UBR2: variants seen among roughly 807,000 people sequenced by gnomAD.
UBR2 encodes the protein ubiquitin protein ligase E3 component n-recognin 2, also known as E3 ubiquitin-protein ligase UBR2.
Under a neutral mutation model 247.9 loss-of-function variants are expected in UBR2, and 92 were observed. That is an observed-to-expected ratio of 0.37 (90% CI 0.31 to 0.44). UBR2 has a LOEUF of 0.44. Ranked by LOEUF, UBR2 falls within the 20% of genes least tolerant of loss-of-function variation. The probability of loss-of-function intolerance (pLI) is 1.00; values close to 1 mark genes in which losing one functional copy is unlikely to be tolerated. For synonymous variants in UBR2, 672 were observed against 693.5 expected, an observed-to-expected ratio of 0.97 and a Z score of 0.49; for missense variants, 1,613 against 2,112.6, an observed-to-expected ratio of 0.76 and a Z score of 4.64.
At chr6:42,651,506 T>A (rs576842350) in intron 23 of UBR2, among the ~76,000 whole-genome samples, 2,231 of 152,136 alleles carry the variant, frequency 0.015, 44 homozygotes, top group African/African-American at 0.052. Flanking sequence ...TTTTATTTTT[T>A]ATTTTTTTTG....
At chr6:42,611,255 G>A (rs1057382908) in intron 7 of UBR2, among the ~76,000 whole-genome samples, 2 of 151,360 alleles carry the variant, frequency 1.3e-5, no homozygotes, top group African/African-American at 4.8e-5. Context: ...GAGATCAAGA[G>A]ATCGAGACCA....
chr6:42,673,446 C>T (rs1361304346), intron 36 of UBR2, among the ~76,000 whole-genome samples: 2 of 152,172 alleles, frequency 1.3e-5, no homozygotes, highest in African/African-American at 4.8e-5. Flanking sequence ...CTCAGCCTCT[C>T]GAGTAGCTGG....
chr6:42,578,970 C>T (rs1791696324), intron 2 of UBR2, among the ~76,000 whole-genome samples: 1 of 91,290 alleles, frequency 1.1e-5, no homozygotes, highest in Non-Finnish European at 2.3e-5. Context: ...CACACACACA[C>T]AAACACACAC....
chr6:42,582,954 C>T (rs1055570774), intron 2 of UBR2, among the ~76,000 whole-genome samples: 4 of 152,000 alleles, frequency 2.6e-5, no homozygotes, highest in African/African-American at 9.7e-5. Flanking sequence ...ATTCATCCAG[C>T]TTCTCTTGTG....
In UBR2 at chr6:42,678,680, C is replaced by A; in HGVS notation, c.4609+11C>A. 6.2e-7 allele frequency: 1 copy of A among 1,604,756 alleles called. No individual in the cohort carries two copies. The highest frequency in any genetic ancestry group is 1.1e-5 in the South Asian group (1 of 88,480). ...CACCCGACATTCAAGGTAATTTATA[C>A]TTTCTTTCAAAACGTAGGGAGAGTT... On this transcript the variant is annotated intron_variant, in intron 41 of 46. Coordinates refer to ENST00000372901, the MANE Select transcript of UBR2 (RefSeq NM_001363705.2).
chr6:42,602,232 G>C (rs147890114), intron 4 of UBR2, among the ~76,000 whole-genome samples: 1 of 144,886 alleles, frequency 6.9e-6, no homozygotes, highest in South Asian at 2.2e-4. Context: ...ACAGAGTCTC[G>C]CTCTGTCACT....
chr6:42,566,276 C>T (rs1304284350), intron 1 of UBR2, among the ~76,000 whole-genome samples: 1 of 152,098 alleles, frequency 6.6e-6, no homozygotes, highest in Non-Finnish European at 1.5e-5. Flanking sequence ...GTGAAATTCT[C>T]AAGCAGATGC....
chr6:42,681,154 C>T (rs1680309885), intron 42 of UBR2, among the ~76,000 whole-genome samples: 1 of 139,320 alleles, frequency 7.2e-6, no homozygotes, highest in African/African-American at 2.8e-5. Flanking sequence ...CAAAGCGAGA[C>T]TCCGTCTCAA....
intron 26 of UBR2, among the ~76,000 whole-genome samples, chr6:42,656,703 T>G (rs1316236330): frequency 1.3e-5 from 2 of 152,232 alleles, no homozygotes; most frequent in Non-Finnish European, 2.9e-5. Flanking sequence ...TAATTTTGTT[T>G]GCTGCTAGAT....
chr6:42,650,774 A>G (rs185430298), intron 23 of UBR2, among the ~76,000 whole-genome samples: 2 of 152,314 alleles, frequency 1.3e-5, no homozygotes, highest in East Asian at 3.9e-4. Context: ...TGTATATACG[A>G]TCTATATAAT....
chr6:42,685,215 G>C (rs1352475430), intron 44 of UBR2, among the ~76,000 whole-genome samples: 1 of 152,070 alleles, frequency 6.6e-6, no homozygotes, highest in African/African-American at 2.4e-5. Flanking sequence ...GGAGGCTGAG[G>C]CAGGAGAATC....
chr6:42,657,961 C>T (rs998845381), intron 26 of UBR2, 63 bp from the exon 27 acceptor site: 5 of 1,236,566 alleles, frequency 4.0e-6, no homozygotes, highest in African/African-American at 1.5e-5. Context: ...TGTTCCTGTG[C>T]GTAGGAATAA....
chr6:42,609,133 T>C (rs1483498134), intron 7 of UBR2, among the ~76,000 whole-genome samples: 3 of 152,192 alleles, frequency 2.0e-5, no homozygotes, highest in Admixed American at 2.0e-4. Context: ...AGACTGGGAA[T>C]ACATGCTTAA....
intron 11 of UBR2, among the ~76,000 whole-genome samples, chr6:42,631,907 TTA>T (rs1554254820): frequency 7.8e-6 from 1 of 128,324 alleles, no homozygotes; most frequent in African/African-American, 2.9e-5. Flanking sequence ...GGTTCTGTAA[TTA>T]TATATATATA....
chr6:42,663,188 G>A (rs1474861776), intron 31 of UBR2, 70 bp from the exon 32 acceptor site: 2 of 1,258,782 alleles, frequency 1.6e-6, no homozygotes, highest in African/African-American at 1.5e-5. Flanking sequence ...TATTTTAAAT[G>A]TTGAAGCTTA....
chr6:42,687,011 C>T (rs1297297287), intron 44 of UBR2, among the ~76,000 whole-genome samples: 1 of 151,836 alleles, frequency 6.6e-6, no homozygotes, highest in African/African-American at 2.4e-5. Context: ...GGGATGACGG[C>T]CAGGAAGAGG....
intron 34 of UBR2, 105 bp from the exon 35 acceptor site, chr6:42,669,987 G>A: frequency 7.5e-7 from 1 of 1,336,148 alleles, no homozygotes; most frequent in Non-Finnish European, 1.0e-6. Context: ...CTGGATATAT[G>A]TTAAGTGGTT....
intron 1 of UBR2, among the ~76,000 whole-genome samples, chr6:42,569,253 G>A (rs989002598): frequency 6.6e-6 from 1 of 152,202 alleles, no homozygotes. Flanking sequence ...TTCCAAAGCA[G>A]TTGCATTGTT....
chr6:42,680,471 G>T (rs1046062936), intron 42 of UBR2, among the ~76,000 whole-genome samples: 2 of 152,028 alleles, frequency 1.3e-5, no homozygotes, highest in East Asian at 1.9e-4. Flanking sequence ...AAGAGATGGG[G>T]TTTTGCCATT....
Sources: gnomAD v4.1 joint callset for allele counts (sites outside exome capture counted in the v4.1 genomes callset) on GRCh38, gnomAD v4.1.1 for gene constraint, MANE v1.5 for transcripts, NCBI Gene and HGNC (gene_info 2026-07-23, HGNC 2026-07-21) for gene names.